Variants in GRIK3 observed in about 807,000 individuals in gnomAD.
GRIK3 encodes the protein glutamate ionotropic receptor kainate type subunit 3, also known as glutamate receptor ionotropic, kainate 3.
In GRIK3, 29 loss-of-function variants were observed where a neutral mutation model predicts 102.5. The ratio of observed to expected loss-of-function variants is 0.28; its 90% CI spans 0.21 to 0.39. The LOEUF (loss-of-function observed/expected upper bound fraction) is 0.39. GRIK3 is among the 10% of genes least tolerant of loss of function. The pLI is 1.00. For synonymous variants in GRIK3, 511 were observed against 504.9 expected (o/e 1.01, Z -0.16); for missense variants, 908 against 1,252.4 (o/e 0.73, Z 4.15).
At chr1:36,814,788 T>G (rs1009638180) in intron 13 of GRIK3, among the ~76,000 whole-genome samples, 1 of 151,840 alleles carries the variant, frequency 6.6e-6, no homozygotes, top group African/African-American at 2.4e-5. Context: ...CATGAGGATA[T>G]CCAAGCAGAC....
chr1:36,916,561 A>C (rs1216630062), intron 1 of GRIK3, among the ~76,000 whole-genome samples: 1 of 152,160 alleles, frequency 6.6e-6, no homozygotes, highest in African/African-American at 2.4e-5. Flanking sequence ...CCAGTGCTGC[A>C]TGCAGTCTAG....
At chr1:36,809,615 T>A (rs989154438) in intron 13 of GRIK3, among the ~76,000 whole-genome samples, 1 of 152,184 alleles carries the variant, frequency 6.6e-6, no homozygotes, top group Non-Finnish European at 1.5e-5. Context: ...CCTCCTTGTA[T>A]CCTCCCCACA....
At position 36,891,047 on chromosome 1, in the gene GRIK3, G is replaced by T. The variant is rs375866500; in HGVS notation, c.165C>A (p.Ala55=). The T allele has an allele frequency of 6.2e-7, 1 of 1,613,782 alleles. No individual in the cohort carries two copies. The highest frequency in any genetic ancestry group is 1.3e-5 in the African/African-American group (1 of 74,912). The change falls in exon 2 of 16, where the codon GCC becomes GCA. Residue 55 remains alanine, a synonymous_variant. Transcript: ENST00000373091. ...ADGPNAQVMN[A]EEHAFRFSAN... is the part of the protein sequence containing the mutation. ...CAGAAAATCGAAAGGCATGCTCCTC[G>T]GCATTCATGACCTGGGCGTTGGGGC...
At chr1:36,913,755 A>T (rs566749544) in intron 1 of GRIK3, among the ~76,000 whole-genome samples, 12 of 152,150 alleles carry the variant, frequency 7.9e-5, no homozygotes, top group African/African-American at 2.4e-4. Context: ...TCTCCCAGGC[A>T]AACCTCTCCC....
chr1:36,955,188 C>T (rs1641891416), intron 1 of GRIK3, among the ~76,000 whole-genome samples: 1 of 152,220 alleles, frequency 6.6e-6, no homozygotes, highest in African/African-American at 2.4e-5. Context: ...TGCTTCCCCT[C>T]CTGAAATAGC....
intron 8 of GRIK3, among the ~76,000 whole-genome samples, chr1:36,852,581 G>A (rs1445110231): frequency 6.6e-6 from 1 of 152,218 alleles, no homozygotes; most frequent in East Asian, 1.9e-4. Flanking sequence ...CCTCATCTGT[G>A]TGTACACTCT....
At chr1:37,012,741 C>T (rs928309427) in intron 1 of GRIK3, among the ~76,000 whole-genome samples, 9 of 152,188 alleles carry the variant, frequency 5.9e-5, no homozygotes, top group East Asian at 1.9e-4. Context: ...ACTTTCCTAA[C>T]GCAGCTTTTA....
chr1:37,021,233 A>C (rs1642709960), intron 1 of GRIK3, among the ~76,000 whole-genome samples: 1 of 151,840 alleles, frequency 6.6e-6, no homozygotes, highest in African/African-American at 2.4e-5. Flanking sequence ...CCCATGGCTC[A>C]CCAAGGGACA....
Position 37,034,140 on chromosome 1 carries a change from G to C in GRIK3, c.-32C>G, listed in dbSNP as rs1642861493. On this transcript the variant is annotated 5_prime_UTR_variant, in exon 1 of 16. Transcript: ENST00000373091. ...GCGCCGCCGAGCGTGCCCGGGGCGC[G>C]GCCGTGGCGGGCTCCCTGGGGCGGC... The C allele has an allele frequency of 8.5e-7, 1 of 1,170,210 alleles. No homozygotes were observed. The highest frequency in any genetic ancestry group is 1.6e-5 in the African/African-American group (1 of 61,932). The allele number at this position is 1,170,210 out of a possible 1,614,324, so 72.5% of individuals were successfully genotyped here.
At chr1:36,845,016 C>T (rs911798548) in intron 9 of GRIK3, among the ~76,000 whole-genome samples, 2 of 152,198 alleles carry the variant, frequency 1.3e-5, no homozygotes, top group South Asian at 2.1e-4. Context: ...CATATAAATA[C>T]GCTGCCTTCA....
chr1:36,885,677 C>T (rs925266118), intron 2 of GRIK3, among the ~76,000 whole-genome samples: 34 of 152,294 alleles, frequency 2.2e-4, no homozygotes, highest in African/African-American at 7.9e-4. Flanking sequence ...GAGGACTTCC[C>T]AGCTGGGAAG....
At chr1:37,013,462 T>C (rs921718847) in intron 1 of GRIK3, among the ~76,000 whole-genome samples, 1 of 152,236 alleles carries the variant, frequency 6.6e-6, no homozygotes, top group Non-Finnish European at 1.5e-5. Context: ...TCCTCTGGCA[T>C]GCACTTCATG....
intron 1 of GRIK3, among the ~76,000 whole-genome samples, chr1:36,987,516 A>T (rs1164511106): frequency 6.6e-6 from 1 of 152,152 alleles, no homozygotes; most frequent in Non-Finnish European, 1.5e-5. Flanking sequence ...GTGCTGGGAG[A>T]CATATAGACT....
chr1:36,824,102 C>T (rs901624519), intron 11 of GRIK3, among the ~76,000 whole-genome samples: 16 of 152,102 alleles, frequency 1.1e-4, no homozygotes, highest in African/African-American at 3.9e-4. Context: ...CTAGGAAACC[C>T]ATCTCTTCTA....
In GRIK3 at chr1:36,800,631, G is replaced by C. The variant is rs574302571; in HGVS notation, c.*1220C>G. The C allele has an allele frequency of 2.0e-5, 3 of 152,388 alleles. No homozygotes were observed. The highest frequency in any genetic ancestry group is 6.5e-5 in the Admixed American group (1 of 15,310). 9.4% of individuals were successfully genotyped at this position (152,388 alleles called of 1,614,324 possible). On this transcript the variant is annotated 3_prime_UTR_variant, in exon 16 of 16. Coordinates refer to ENST00000373091, the MANE Select transcript of GRIK3 (RefSeq NM_000831.4). ...CTCCCCACCCTTGGGGCCTCTGCCA[G>C]CTATGATATTATGTCCCTGGAAACT... is the stretch of plus-strand genomic sequence containing the variant.
intron 1 of GRIK3, among the ~76,000 whole-genome samples, chr1:36,919,583 T>G (rs1473665529): frequency 6.6e-6 from 1 of 152,058 alleles, no homozygotes; most frequent in Admixed American, 6.5e-5. Context: ...TGGTCATGCC[T>G]GGCTAAGTCA....
At chr1:36,828,354 C>T (rs1003183372) in intron 10 of GRIK3, among the ~76,000 whole-genome samples, 1 of 152,212 alleles carries the variant, frequency 6.6e-6, no homozygotes, top group Non-Finnish European at 1.5e-5. Context: ...TGCTGCCTAA[C>T]TCTCTTGGTC....
intron 1 of GRIK3, among the ~76,000 whole-genome samples, chr1:36,963,320 C>T (rs948121633): frequency 3.9e-5 from 6 of 152,110 alleles, no homozygotes; most frequent in Non-Finnish European, 7.4e-5. Flanking sequence ...ATAAACAAAC[C>T]CCCCGCTCAG....
At chr1:36,838,778 C>G (rs1193792551) in intron 10 of GRIK3, among the ~76,000 whole-genome samples, 1 of 152,174 alleles carries the variant, frequency 6.6e-6, no homozygotes, top group African/African-American at 2.4e-5. Context: ...CCTTTGCATG[C>G]TTTCTATGGG....
Sources: allele counts gnomAD v4.1 joint callset (sites outside exome capture counted in the v4.1 genomes callset), GRCh38; gene constraint gnomAD v4.1.1; transcripts MANE v1.5; gene names NCBI Gene and HGNC (gene_info 2026-07-23, HGNC 2026-07-21).